SPTLC2: variants seen among roughly 807,000 people sequenced by gnomAD.
SPTLC2 encodes serine palmitoyltransferase 2.
A neutral mutation model predicts 62.0 loss-of-function variants in SPTLC2; 21 were observed. The ratio of observed to expected loss-of-function variants is 0.34; its 90% CI spans 0.24 to 0.49. The LOEUF (loss-of-function observed/expected upper bound fraction) is 0.49. Ranked by LOEUF, SPTLC2 falls within the 20% of genes least tolerant of loss-of-function variation. SPTLC2 has a pLI of 0.99. For missense variants in SPTLC2, 511 were observed against 713.0 expected (o/e 0.72, Z 3.23); for synonymous variants, 261 against 261.8 (o/e 1.00, Z 0.03).
intron 9 of SPTLC2, among the ~76,000 whole-genome samples, chr14:77,540,060 G>C (rs1370571761): frequency 1.3e-5 from 2 of 152,186 alleles, no homozygotes; most frequent in Middle Eastern, 3.4e-3. Context: ...GCCAGGTGTG[G>C]TGACACATGC....
At chr14:77,573,843 G>T (rs1241651988) in intron 4 of SPTLC2, among the ~76,000 whole-genome samples, 1 of 152,144 alleles carries the variant, frequency 6.6e-6, no homozygotes, top group Non-Finnish European at 1.5e-5. Context: ...TGTTGGCTAG[G>T]CTGGTCTTGA....
intron 7 of SPTLC2, 86 bp from the exon 8 acceptor site, chr14:77,555,605 T>A: frequency 9.3e-6 from 12 of 1,291,312 alleles, no homozygotes; most frequent in Non-Finnish European, 1.2e-5. Context: ...TTCATTATTA[T>A]TGAGTTTACT....
At position 77,552,138 on chromosome 14, in the gene SPTLC2, T is replaced by C. The variant is rs557959879; in HGVS notation, c.1261A>G (p.Thr421Ala). 6.2e-7 allele frequency: 1 copy of C among 1,613,984 alleles called. No individual in the cohort carries two copies. The highest frequency in any genetic ancestry group is 2.2e-5 in the East Asian group (1 of 44,870). Reference sequence around the variant, plus strand: ...TGCCCCATGATGCACTTCATGGAGGTGATGATCTGCTCCACTACAGGAGGT... The same window carrying C: ...TGCCCCATGATGCACTTCATGGAGGCGATGATCTGCTCCACTACAGGAGGT... ...LSPPVVEQII[T>A]SMKCIMGQDG... The change falls in exon 9 of 12, where the codon ACC (threonine) becomes GCC (alanine). Residue 421 changes from threonine (T) to alanine (A), a missense_variant. Transcript: ENST00000216484.
At chr14:77,590,594 C>T (rs2079810405) in intron 2 of SPTLC2, among the ~76,000 whole-genome samples, 7 of 152,170 alleles carry the variant, frequency 4.6e-5, no homozygotes, top group Admixed American at 4.6e-4. Context: ...TGCCTGTAGT[C>T]CCAGCCACTC....
chr14:77,594,768 A>T (rs1468110045), intron 2 of SPTLC2, among the ~76,000 whole-genome samples: 1 of 152,226 alleles, frequency 6.6e-6, no homozygotes, highest in Non-Finnish European at 1.5e-5. Flanking sequence ...CACAATCAGC[A>T]CTTCCCTCAC....
At chr14:77,576,711 C>T in intron 4 of SPTLC2, 56 bp downstream of exon 4, 1 of 1,611,834 alleles carries the variant, frequency 6.2e-7, no homozygotes, top group Non-Finnish European at 8.5e-7. Flanking sequence ...CTATTATTTG[C>T]CCCTGACTAA....
At chr14:77,532,356 A>G (rs2079445011) in intron 9 of SPTLC2, among the ~76,000 whole-genome samples, 1 of 152,184 alleles carries the variant, frequency 6.6e-6, no homozygotes, top group African/African-American at 2.4e-5. Flanking sequence ...TTCGTTTTTT[A>G]TCTGTGCATT....
At chr14:77,544,551 G>A (rs2079518200) in intron 9 of SPTLC2, among the ~76,000 whole-genome samples, 1 of 152,100 alleles carries the variant, frequency 6.6e-6, no homozygotes, top group Non-Finnish European at 1.5e-5. Flanking sequence ...ATTTTTTTAA[G>A]CTTTCCTGTG....
intron 11 of SPTLC2, among the ~76,000 whole-genome samples, chr14:77,515,542 CTTTTTTT>C (rs71128633): frequency 2.4e-5 from 3 of 124,716 alleles, no homozygotes; most frequent in African/African-American, 7.0e-5. Flanking sequence ...AAGGGAAAGG[CTTTTTTT>C]TTTTTTTTTT....
intron 8 of SPTLC2, among the ~76,000 whole-genome samples, chr14:77,553,959 C>A (rs1033916815): frequency 1.3e-5 from 2 of 151,808 alleles, no homozygotes; most frequent in Non-Finnish European, 2.9e-5. Context: ...GGACTACAGG[C>A]ATGTGCCACC....
intron 4 of SPTLC2, 138 bp from the exon 5 acceptor site, chr14:77,570,646 G>A: frequency 1.0e-6 from 1 of 976,450 alleles, no homozygotes; most frequent in Non-Finnish European, 1.6e-6. Context: ...ATATTATGAA[G>A]AGTAATATTC....
chr14:77,596,942 A>G (rs2079850744), intron 2 of SPTLC2, among the ~76,000 whole-genome samples: 1 of 152,336 alleles, frequency 6.6e-6, no homozygotes, highest in South Asian at 2.1e-4. Context: ...TTTCTAATCC[A>G]TAAAACAGGG....
At chr14:77,521,370 A>G (rs2079384018) in intron 10 of SPTLC2, 76 bp downstream of exon 10, 1 of 1,593,206 alleles carries the variant, frequency 6.3e-7, no homozygotes, top group Non-Finnish European at 8.6e-7. Flanking sequence ...TTTCCCTAAC[A>G]AAATACATAA....
chr14:77,552,261 T>C (rs778235059), intron 8 of SPTLC2, 39 bp from the exon 9 acceptor site: 3 of 1,611,972 alleles, frequency 1.9e-6, no homozygotes, highest in Non-Finnish European at 1.7e-6. Context: ...GAGACAATTC[T>C]TGCATTCACC....
chr14:77,561,283 G>C (rs577520379), intron 6 of SPTLC2, among the ~76,000 whole-genome samples: 2 of 152,206 alleles, frequency 1.3e-5, no homozygotes, highest in African/African-American at 4.8e-5. Flanking sequence ...ATGAGATAGA[G>C]TTACATGTAA....
At chr14:77,528,831 T>C (rs8019658) in intron 9 of SPTLC2, among the ~76,000 whole-genome samples, 24,266 of 152,078 alleles carry the variant, frequency 0.16, 2,142 homozygotes, top group African/African-American at 0.23. Context: ...GTCTTATTTT[T>C]GTTATTTTTT....
chr14:77,537,113 G>A (rs1249644187), intron 9 of SPTLC2, among the ~76,000 whole-genome samples: 3 of 152,036 alleles, frequency 2.0e-5, no homozygotes, highest in South Asian at 2.1e-4. Flanking sequence ...AGTAGAGATG[G>A]GGTTTCACCA....
intron 10 of SPTLC2, among the ~76,000 whole-genome samples, chr14:77,520,031 G>T (rs544262100): frequency 5.5e-4 from 83 of 151,856 alleles, no homozygotes; most frequent in Non-Finnish European, 1.0e-3. Context: ...CTTATATTTA[G>T]TAGTTATTGC....
chr14:77,535,402 G>C (rs192311730), intron 9 of SPTLC2, among the ~76,000 whole-genome samples: 3 of 152,256 alleles, frequency 2.0e-5, no homozygotes, highest in Admixed American at 2.0e-4. Flanking sequence ...AGGCCTTTGG[G>C]GAGGGTTCTT....
Sources: gnomAD v4.1 joint callset for allele counts (sites outside exome capture counted in the v4.1 genomes callset) on GRCh38, gnomAD v4.1.1 for gene constraint, MANE v1.5 for transcripts, NCBI Gene and HGNC (gene_info 2026-07-23, HGNC 2026-07-21) for gene names.